Variants in RPGR observed in about 807,000 individuals in gnomAD.
RPGR encodes retinitis pigmentosa GTPase regulator, also known as X-linked retinitis pigmentosa GTPase regulator.
A neutral mutation model predicts 56.3 loss-of-function variants in RPGR; 10 were observed. That is an observed-to-expected ratio of 0.18 (90% CI 0.11 to 0.30). The LOEUF (loss-of-function observed/expected upper bound fraction) is 0.30. Ranked by LOEUF, RPGR falls within the 10% of genes least tolerant of loss-of-function variation. The pLI is 1.00. For missense variants in RPGR, 538 were observed against 590.9 expected, an observed-to-expected ratio of 0.91 and a Z score of 0.93; for synonymous variants, 197 against 212.9, an observed-to-expected ratio of 0.93 and a Z score of 0.65.
intron 6 of RPGR, among the ~76,000 whole-genome samples, chrX:38,315,842 G>C (rs761573400): frequency 9.8e-6 from 1 of 101,588 alleles, no homozygotes; most frequent in Non-Finnish European, 2.0e-5. Flanking sequence ...TATATATAGA[G>C]AGAGAGAGAG....
chrX:38,279,748 A>G (rs12837309), intron 15 of RPGR, among the ~76,000 whole-genome samples: 1 of 109,757 alleles, frequency 9.1e-6, no homozygotes, highest in African/African-American at 3.3e-5. Context: ...AAGTAATAAA[A>G]CAAACCAGAG....
At chrX:38,284,330 T>C in intron 15 of RPGR, 78 bp downstream of exon 15, 2 of 344,172 alleles carry the variant, frequency 5.8e-6, no homozygotes, top group Non-Finnish European at 3.8e-6. Context: ...GAAATTACTC[T>C]AGTGGAAATC....
intron 15 of RPGR, chrX:38,286,039 TCTC>T (rs2147192854): frequency 3.2e-6 from 2 of 618,603 alleles, no homozygotes; most frequent in South Asian, 5.8e-5. Context: ...CCCCTCCCCT[TCTC>T]CTTCCTCCTC....
At chrX:38,293,608 A>G (rs1398480535) in intron 11 of RPGR, among the ~76,000 whole-genome samples, 2 of 112,164 alleles carry the variant, frequency 1.8e-5, no homozygotes, top group Non-Finnish European at 3.8e-5. Flanking sequence ...GAAGGCAGAG[A>G]ATATAGGTTT....
intron 4 of RPGR, among the ~76,000 whole-genome samples, chrX:38,319,565 T>G (rs2067891208): frequency 8.9e-6 from 1 of 112,104 alleles, no homozygotes; most frequent in Admixed American, 9.5e-5. Flanking sequence ...ACCAAAGCTG[T>G]GGGACCTTGG....
At chrX:38,287,009 A>C in intron 15 of RPGR, 1 of 1,209,015 alleles carries the variant, frequency 8.3e-7, no homozygotes, top group Non-Finnish European at 1.1e-6. Flanking sequence ...TCTGCTCCTG[A>C]ACTACCTTCC....
intron 4 of RPGR, among the ~76,000 whole-genome samples, chrX:38,320,355 C>T (rs2067913910): frequency 9.0e-6 from 1 of 111,656 alleles, no homozygotes; most frequent in Non-Finnish European, 1.9e-5. Context: ...CTAAATGTTA[C>T]AGCAGCATTT....
chrX:38,273,486 G>A lies in RPGR; in HGVS notation c.2150-9C>T. The A allele has an allele frequency of 1.7e-6, 2 of 1,161,096 alleles. No individual in the cohort carries two copies. The highest frequency in any genetic ancestry group is 2.3e-6 in the Non-Finnish European group (2 of 854,121). ...ATCATCAAGCATGTATCCTACAATT[G>A]GATCATTCAGAAATACTAGTTTTAA... On this transcript the variant is annotated splice_polypyrimidine_tract_variant and intron_variant, in intron 17 of 18. Coordinates refer to ENST00000642395, the MANE Select transcript of RPGR (RefSeq NM_000328.3).
intron 6 of RPGR, among the ~76,000 whole-genome samples, chrX:38,312,681 T>A (rs1028293826): frequency 1.8e-5 from 2 of 111,886 alleles, no homozygotes; most frequent in Non-Finnish European, 3.8e-5. Context: ...TGATGGCTCA[T>A]GCCTGTAATC....
chrX:38,286,727 C>T, intron 15 of RPGR: 25 of 1,156,825 alleles, frequency 2.2e-5, no homozygotes, highest in Non-Finnish European at 2.9e-5. Context: ...CCTTCTCCTT[C>T]CTCTTTCCCT....
chrX:38,278,507 C>G (rs1009387594), intron 15 of RPGR, among the ~76,000 whole-genome samples: 2 of 112,529 alleles, frequency 1.8e-5, no homozygotes, highest in African/African-American at 3.2e-5. Context: ...TCCCAAAGTG[C>G]TAGGATTACA....
At chrX:38,297,801 G>A (rs1601941149) in intron 10 of RPGR, among the ~76,000 whole-genome samples, 1 of 111,591 alleles carries the variant, frequency 9.0e-6, no homozygotes, top group Non-Finnish European at 1.9e-5. Flanking sequence ...TTCCATATAT[G>A]CTTTTTCATA....
At chrX:38,309,135 A>G (rs1298357106) in intron 7 of RPGR, among the ~76,000 whole-genome samples, 5 of 112,224 alleles carry the variant, frequency 4.5e-5, no homozygotes, top group Non-Finnish European at 3.8e-5. Flanking sequence ...GGAAGCATCA[A>G]TTTAGTAAAC....
At chrX:38,292,548 G>A (rs2067302654) in intron 11 of RPGR, among the ~76,000 whole-genome samples, 1 of 112,102 alleles carries the variant, frequency 8.9e-6, no homozygotes, top group Admixed American at 9.5e-5. Flanking sequence ...TGAATTGAAT[G>A]AGCAAATAAC....
Position 38,320,951 on chromosome X carries a change from T to C in RPGR, c.310+76A>G, listed in dbSNP as rs1362755695. 8 of 798,441 alleles carry C rather than the reference T, an allele frequency of 1.0e-5. No homozygotes were observed. In the Middle Eastern group the frequency reaches 1.1e-3, roughly 111 times the overall value. The allele number at this position is 798,441 out of a possible 1,213,427, so 65.8% of individuals were successfully genotyped here. A position where few individuals can be genotyped will look rare whatever the true frequency, so the allele number is the denominator to read the frequency against. ...TGCCAAAGTATAATCTCTATTAATT[T>C]TACAAAGCCACGTTACTGGAATGAG... On this transcript the variant is annotated intron_variant, in intron 4 of 18. Transcript: ENST00000642395.
At chrX:38,320,360 G>A (rs2067914029) in intron 4 of RPGR, among the ~76,000 whole-genome samples, 1 of 111,670 alleles carries the variant, frequency 9.0e-6, no homozygotes, top group Non-Finnish European at 1.9e-5. Flanking sequence ...TGTTACAGCA[G>A]CATTTGCTGA....
intron 6 of RPGR, among the ~76,000 whole-genome samples, chrX:38,316,991 T>C (rs926414582): frequency 7.2e-5 from 8 of 111,291 alleles, no homozygotes; most frequent in African/African-American, 2.6e-4. Context: ...ATTTCCAATA[T>C]TTTAACTAAG....
chrX:38,289,810 T>C (rs1317112164), intron 13 of RPGR, among the ~76,000 whole-genome samples: 3 of 112,475 alleles, frequency 2.7e-5, no homozygotes, highest in Non-Finnish European at 3.8e-5. Flanking sequence ...AAAGTCATGA[T>C]TCTTTTAAGA....
intron 16 of RPGR, chrX:38,276,519 T>C (rs1251219290): frequency 9.3e-7 from 1 of 1,077,758 alleles, no homozygotes; most frequent in Non-Finnish European, 1.3e-6. Flanking sequence ...GAATCTGTCC[T>C]CTGCAGAAAC....
Sources: gnomAD v4.1 joint callset for allele counts (sites outside exome capture counted in the v4.1 genomes callset) on GRCh38, gnomAD v4.1.1 for gene constraint, MANE v1.5 for transcripts, NCBI Gene and HGNC (gene_info 2026-07-23, HGNC 2026-07-21) for gene names.